The following PTPN6 variants were observed in gnomAD, a reference collection of about 807,000 sequenced individuals.
PTPN6 encodes protein tyrosine phosphatase non-receptor type 6.
PTPN6 carries 18 observed loss-of-function variants against 81.5 expected under a neutral mutation model. That is an observed-to-expected ratio of 0.22 (90% CI 0.15 to 0.33). PTPN6 has a LOEUF of 0.33. Among genes scored for constraint, PTPN6 ranks in the 10% least tolerant of loss-of-function variants. The probability of loss-of-function intolerance (pLI) is 1.00; values close to 1 mark genes in which losing one functional copy is unlikely to be tolerated. For missense variants in PTPN6, 500 were observed against 794.2 expected, an observed-to-expected ratio of 0.63 and a Z score of 4.45; for synonymous variants, 301 against 310.9, an observed-to-expected ratio of 0.97 and a Z score of 0.33.
chr12:6,950,702 C>T (rs1945909120), upstream of PTPN6, among the ~76,000 whole-genome samples: 1 of 152,180 alleles, frequency 6.6e-6, no homozygotes, highest in Admixed American at 6.5e-5. Context: ...CCATGGCAGC[C>T]CCTTTGGACA....
Position 6,956,239 on chromosome 12 carries a change from C to T in PTPN6, c.924+18C>T, listed in dbSNP as rs370806661. The T allele has an allele frequency of 2.8e-5, 45 of 1,613,484 alleles. No individual in the cohort carries two copies. In the African/African-American group the frequency reaches 3.3e-4, roughly 12 times the overall value. On this transcript the variant is annotated intron_variant, in intron 8 of 15. Coordinates refer to ENST00000318974, the MANE Select transcript of PTPN6 (RefSeq NM_002831.6). The surrounding 1 kb of genome is among the most constrained non-coding windows in gnomAD (Gnocchi z 4.1). Reference sequence around the variant, plus strand: ...ACATCAAGGTCAGCAGTGTGGGCCACGTGGGAGGAGAGGCTGGGCCCTGGG... The same window carrying T: ...ACATCAAGGTCAGCAGTGTGGGCCATGTGGGAGGAGAGGCTGGGCCCTGGG...
At chr12:6,949,835 A>T (rs1266256441), upstream of PTPN6, among the ~76,000 whole-genome samples, 50 of 144,606 alleles carry the variant, frequency 3.5e-4, no homozygotes, top group African/African-American at 1.2e-3. Flanking sequence ...TTTTTTTGAG[A>T]CGGAGTTTCA....
chr12:6,946,646 G>T, upstream of PTPN6: 2 of 1,240,148 alleles, frequency 1.6e-6, no homozygotes, highest in Non-Finnish European at 2.4e-6. Context: ...CCTGGCTTGG[G>T]CCACTGTGCA....
In PTPN6 at chr12:6,959,928, G is replaced by T. The variant is rs1435682678; in HGVS notation, c.1363G>T (p.Ala455Ser). The part of the protein sequence containing the change: ...HAGPIIVHCS[A>S]GIGRTGTIIV... ...GATGGCACCCCCGTCTTTCCCCAGC[G>T]CCGGCATCGGCCGCACAGGCACCAT... Residue 455 changes from alanine (A) to serine (S), a missense_variant and splice_region_variant, in exon 12 of 16, where the codon GCC becomes TCC. By Grantham distance (99) the Ala-to-Ser change is moderately conservative (BLOSUM62 1). Around this residue, in one of 6 missense-constraint regions of PTPN6, gnomAD observed 226 missense variants for 364.4 expected, o/e 0.62. Coordinates refer to ENST00000318974, the MANE Select transcript of PTPN6 (RefSeq NM_002831.6). This position sits in a 1 kb window ranked among gnomAD's most constrained non-coding sequence, Gnocchi z 6.6. 1 of 1,610,474 alleles carries T rather than the reference G, an allele frequency of 6.2e-7. No homozygotes were observed. The highest frequency in any genetic ancestry group is 8.5e-7 in the Non-Finnish European group (1 of 1,179,666).
chr12:6,956,490 C>A lies in PTPN6; in HGVS notation c.996C>A (p.Val332=). 6.2e-7 allele frequency: 1 copy of A among 1,614,082 alleles called. No individual in the cohort carries two copies. The highest frequency in any genetic ancestry group is 1.1e-5 in the South Asian group (1 of 91,074). ...IASQGCLEAT[V]NDFWQMAWQE... ...GCCAGGGTTGTCTGGAGGCCACGGT[C>A]AATGACTTCTGGCAGATGGCGTGGC... The change falls in exon 9 of 16, where the codon GTC becomes GTA. Residue 332 remains valine (V), a synonymous_variant. Coordinates refer to ENST00000318974, the MANE Select transcript of PTPN6 (RefSeq NM_002831.6). The surrounding 1 kb of genome is among the most constrained non-coding windows in gnomAD (Gnocchi z 4.1).
chr12:6,955,834 C>T lies in PTPN6; in HGVS notation c.844+78C>T, dbSNP rs868980607. 2.4e-5 allele frequency: 33 copies of T among 1,353,962 alleles called. No homozygotes were observed. In the African/African-American group the frequency reaches 3.6e-4, roughly 15 times the overall value. The allele number at this position is 1,353,962 out of a possible 1,614,324, so 83.9% of individuals were successfully genotyped here. ...CCTCCCCTCATCTCACAGGTCTCCA[C>T]CCTCCACGCCAGGAGGGGCCATCTC... On this transcript the variant is annotated intron_variant, in intron 7 of 15. Coordinates refer to ENST00000318974, the MANE Select transcript of PTPN6 (RefSeq NM_002831.6). The surrounding 1 kb of genome is among the most constrained non-coding windows in gnomAD (Gnocchi z 7.2).
chr12:6,960,645 G>A lies in PTPN6; in HGVS notation c.1674-161G>A. 1 of 1,543,690 alleles carries A rather than the reference G, an allele frequency of 6.5e-7. No individual in the cohort carries two copies. The highest frequency in any genetic ancestry group is 8.8e-7 in the Non-Finnish European group (1 of 1,140,152). ...CCAGCAGCGCACTCGTGTATGAGAT[G>A]TAGCCTCTGTCCTCTAGGAGCTTGG... On this transcript the variant is annotated intron_variant, in intron 14 of 15. Coordinates refer to ENST00000318974, the MANE Select transcript of PTPN6 (RefSeq NM_002831.6). This position sits in a 1 kb window ranked among gnomAD's most constrained non-coding sequence, Gnocchi z 6.1.
upstream of PTPN6, among the ~76,000 whole-genome samples, chr12:6,950,625 T>C (rs913322422): frequency 3.9e-5 from 6 of 152,136 alleles, no homozygotes; most frequent in Non-Finnish European, 7.4e-5. Flanking sequence ...CTGCATATGT[T>C]GGTTAGAGGA....
Position 6,960,630 on chromosome 12 carries a change from A to G in PTPN6, c.1674-176A>G, listed in dbSNP as rs782417537. On this transcript the variant is annotated intron_variant, in intron 14 of 15. Transcript: ENST00000318974. The surrounding 1 kb of genome is among the most constrained non-coding windows in gnomAD (Gnocchi z 6.1). Reference sequence around the variant, plus strand: ...GGCCTCTGCTAGGTACCAGCAGCGCACTCGTGTATGAGATGTAGCCTCTGT... The same window carrying G: ...GGCCTCTGCTAGGTACCAGCAGCGCGCTCGTGTATGAGATGTAGCCTCTGT... 1.4e-5 allele frequency: 21 copies of G among 1,526,940 alleles called. No individual in the cohort carries two copies. In the South Asian group the frequency reaches 2.4e-4, roughly 17 times the overall value. 94.6% of individuals were successfully genotyped at this position (1,526,940 alleles called of 1,614,324 possible).
rs1946014346 is a variant in PTPN6, at chr12:6,955,590, A to C, written c.748-70A>C. 32 of 1,569,226 alleles carry C rather than the reference A, an allele frequency of 2.0e-5. No homozygotes were observed. Among genetic ancestry groups the C allele is most frequent in the South Asian group, 5.5e-5 (5 of 90,132 alleles). The stretch of plus-strand genomic sequence containing the variant: ...CCTTGCCCACCTCTGCTCCTGACCC[A>C]CCCCACGTGAGCTCCCCCGATGGAT... On this transcript the variant is annotated intron_variant, in intron 6 of 15. Transcript: ENST00000318974. This position sits in a 1 kb window ranked among gnomAD's most constrained non-coding sequence, Gnocchi z 7.2.
At position 6,952,301 on chromosome 12, in the gene PTPN6, C is replaced by A; in HGVS notation, c.326+124C>A. On this transcript the variant is annotated intron_variant, in intron 3 of 15. Coordinates refer to ENST00000318974, the MANE Select transcript of PTPN6 (RefSeq NM_002831.6). The surrounding 1 kb of genome is among the most constrained non-coding windows in gnomAD (Gnocchi z 8.1). Reference sequence around the variant, plus strand: ...CCCTCCATCCCCTCCCCTCCCTGCACCAGCTGGGGCTCTCAATGTCCCTCC... The same window carrying A: ...CCCTCCATCCCCTCCCCTCCCTGCAACAGCTGGGGCTCTCAATGTCCCTCC... 8.5e-7 allele frequency: 1 copy of A among 1,180,252 alleles called. No individual in the cohort carries two copies. Among genetic ancestry groups the A allele is most frequent in the African/African-American group, 1.5e-5 (1 of 66,396 alleles). 73.1% of individuals were successfully genotyped at this position (1,180,252 alleles called of 1,614,324 possible).
Position 6,952,010 on chromosome 12 carries a change from G to A in PTPN6, c.159G>A (p.Arg53=). 6.2e-7 allele frequency: 1 copy of A among 1,614,150 alleles called. No homozygotes were observed. The highest frequency in any genetic ancestry group is 8.5e-7 in the Non-Finnish European group (1 of 1,180,036). Residue 53 remains arginine, a synonymous_variant, in exon 3 of 16, where the codon CGG becomes CGA. Coordinates refer to ENST00000318974, the MANE Select transcript of PTPN6 (RefSeq NM_002831.6). This position sits in a 1 kb window ranked among gnomAD's most constrained non-coding sequence, Gnocchi z 8.1. ...VRVGDQVTHI[R]IQNSGDFYDL... is the part of the protein sequence containing the mutation. ...TGGGGGATCAGGTGACCCATATTCG[G>A]ATCCAGAACTCAGGGGATTTCTATG...
intron 11 of PTPN6, 107 bp downstream of exon 11, chr12:6,958,180 C>G: frequency 1.4e-6 from 2 of 1,436,350 alleles, no homozygotes; most frequent in Non-Finnish European, 1.9e-6. Context: ...CATTGAGTGC[C>G]CTCCGCTCAC....
rs113032116 is a variant in PTPN6, at chr12:6,958,826, C to T, written c.1361+753C>T. On this transcript the variant is annotated intron_variant, in intron 11 of 15. Coordinates refer to ENST00000318974, the MANE Select transcript of PTPN6 (RefSeq NM_002831.6). ...CAGCTGTGTGGTCTTGGACAAATTA[C>T]TTAACTTTTCTAACCCTCAGCTTCC... Among the ~76,000 whole-genome samples the T allele has an allele frequency of 2.1e-3, 321 of 152,314 alleles. 3 individuals carry two copies. Among genetic ancestry groups the T allele is most frequent in the African/African-American group, 6.4e-3 (268 of 41,568 alleles).
upstream of PTPN6, chr12:6,946,785 G>C (rs1555146881): frequency 3.8e-6 from 6 of 1,572,214 alleles, no homozygotes; most frequent in Admixed American, 1.7e-5. Context: ...GTTAGTTTTG[G>C]AGGGAGGGAG....
At position 6,957,743 on chromosome 12, in the gene PTPN6, C is replaced by T. The variant is rs374040175; in HGVS notation, c.1164C>T (p.Thr388=). ...SVTNCGEHDT[T]EYKLRTLQVS... Reference sequence around the variant, plus strand: ...CCAACTGCGGGGAGCATGACACAACCGAATACAAACTCCGTACCTTACAGG... The same window carrying T: ...CCAACTGCGGGGAGCATGACACAACTGAATACAAACTCCGTACCTTACAGG... Residue 388 remains threonine, a synonymous_variant, in exon 10 of 16, where the codon ACC becomes ACT. Transcript: ENST00000318974. The surrounding 1 kb of genome is among the most constrained non-coding windows in gnomAD (Gnocchi z 6.5). 1.7e-5 allele frequency: 27 copies of T among 1,614,034 alleles called. No homozygotes were observed. Among genetic ancestry groups the T allele is most frequent in the African/African-American group, 8.0e-5 (6 of 74,924 alleles).
At chr12:6,946,735 C>T (rs1395886541), upstream of PTPN6, 6 of 1,612,198 alleles carry the variant, frequency 3.7e-6, no homozygotes, top group Middle Eastern at 1.6e-4. Flanking sequence ...GATGCTGTCC[C>T]GTGGGTAAGT....
chr12:6,960,176 G>T lies in PTPN6; in HGVS notation c.1518G>T (p.Lys506Asn), dbSNP rs1555149474. The T allele has an allele frequency of 6.2e-7, 1 of 1,612,526 alleles. No individual in the cohort carries two copies. Among genetic ancestry groups the T allele is most frequent in the African/African-American group, 1.3e-5 (1 of 74,360 alleles). The change falls in exon 13 of 16, where the codon AAG (lysine) becomes AAT (asparagine). Residue 506 changes from lysine (K) to asparagine (N), a missense_variant. Lys to Asn is a moderately conservative substitution (Grantham distance 94). Coordinates refer to ENST00000318974, the MANE Select transcript of PTPN6 (RefSeq NM_002831.6). This position sits in a 1 kb window ranked among gnomAD's most constrained non-coding sequence, Gnocchi z 6.1. ...SGMVQTEAQY[K>N]FIYVAIAQFI... ...TGGTGCAGACGGAGGCGCAGTACAAGTTCATCTACGTGGCCATCGCCCAGT... is the reference window on the plus strand; with the variant it reads ...TGGTGCAGACGGAGGCGCAGTACAATTTCATCTACGTGGCCATCGCCCAGT...
chr12:6,959,233 C>T lies in PTPN6; in HGVS notation c.1362-694C>T, dbSNP rs1337298711. 6.4e-6 allele frequency: 1 copy of T among 156,386 alleles called. No homozygotes were observed. Among genetic ancestry groups the T allele is most frequent in the African/African-American group, 2.4e-5 (1 of 41,486 alleles). The allele number at this position is 156,386 out of a possible 1,614,324, so 9.7% of individuals were successfully genotyped here. ...CCGCCACACACACATTCACACACTT[C>T]TTGAAAGCCCCATGGCCTTTATTTA... On this transcript the variant is annotated intron_variant, in intron 11 of 15. Transcript: ENST00000318974. This position sits in a 1 kb window ranked among gnomAD's most constrained non-coding sequence, Gnocchi z 6.6.
Sources: allele counts gnomAD v4.1 joint callset (sites outside exome capture counted in the v4.1 genomes callset), GRCh38; gene constraint gnomAD v4.1.1; regional missense constraint gnomAD v4.1.1; non-coding constraint Gnocchi (gnomAD v3.1); transcripts MANE v1.5; gene names NCBI Gene and HGNC (gene_info 2026-07-23, HGNC 2026-07-21).